Variants in STAU1 observed in about 807,000 individuals in gnomAD.
The protein encoded by STAU1 is staufen double-stranded RNA binding protein 1.
In STAU1, 13 loss-of-function variants were observed where a neutral mutation model predicts 62.9. That is an observed-to-expected ratio of 0.21 (90% CI 0.13 to 0.33). The LOEUF (loss-of-function observed/expected upper bound fraction) is 0.33. Ranked by LOEUF, STAU1 falls within the 10% of genes least tolerant of loss-of-function variation. The pLI is 1.00. For synonymous variants in STAU1, 269 were observed against 265.1 expected, an observed-to-expected ratio of 1.01 and a Z score of -0.14; for missense variants, 571 against 712.1, an observed-to-expected ratio of 0.80 and a Z score of 2.25.
intron 1 of STAU1, among the ~76,000 whole-genome samples, chr20:49,181,764 AAC>A (rs1491112369): frequency 0.025 from 246 of 9,890 alleles, 68 homozygotes; most frequent in African/African-American, 0.12. Flanking sequence ...AGACTATCTC[AAC>A]AAAAAAAAAA....
At chr20:49,194,640 C>T in the STAU1 span, among the ~76,000 whole-genome samples, 2 of 151,880 alleles carry the variant, frequency 1.3e-5, no homozygotes, top group Admixed American at 6.6e-5. Context: ...TGCAGTGGCA[C>T]GATCTCAACT....
At chr20:49,148,217 A>G (rs187678215) in intron 5 of STAU1, among the ~76,000 whole-genome samples, 1 of 152,338 alleles carries the variant, frequency 6.6e-6, no homozygotes, top group Admixed American at 6.5e-5. Flanking sequence ...TGCTCCAAAA[A>G]TCAAACTTTT....
At chr20:49,162,053 G>C (rs1185651175) in intron 3 of STAU1, among the ~76,000 whole-genome samples, 1 of 152,104 alleles carries the variant, frequency 6.6e-6, no homozygotes, top group African/African-American at 2.4e-5. Flanking sequence ...GCTGTACCCC[G>C]CCCATTATTT....
chr20:49,213,971 G>A, the STAU1 span, among the ~76,000 whole-genome samples: 1 of 152,182 alleles, frequency 6.6e-6, no homozygotes, highest in Non-Finnish European at 1.5e-5. Flanking sequence ...CAGCACTTTG[G>A]GAGGCCGAGG....
Position 49,114,793 on chromosome 20 carries a change from A to G in STAU1, c.*85T>C. On this transcript the variant is annotated 3_prime_UTR_variant, in exon 14 of 14. Transcript: ENST00000371856. ...CCGTGTCTCTCGGCCCACTGGAGGT[A>G]TCAGAAATTCCAAATTTTCAAAGCA... 1 of 1,334,970 alleles carries G rather than the reference A, an allele frequency of 7.5e-7. No homozygotes were observed. The highest frequency in any genetic ancestry group is 1.1e-6 in the Non-Finnish European group (1 of 934,258). 82.7% of individuals were successfully genotyped at this position (1,334,970 alleles called of 1,614,324 possible). A position where few individuals can be genotyped will look rare whatever the true frequency, so the allele number is the denominator to read the frequency against.
chr20:49,166,224 C>CA lies in STAU1; in HGVS notation c.-24dup, dbSNP rs1278683059. ...CATGGTCACTTTCAACAAAAGTGAA[C>CA]AAATGCAGGTAAACAGCTTTCAGTG... On this transcript the variant is annotated 5_prime_UTR_variant, in exon 3 of 14. Transcript: ENST00000371856. 3 of 1,610,860 alleles carry CA rather than the reference C, an allele frequency of 1.9e-6. No homozygotes were observed. Among genetic ancestry groups the CA allele is most frequent in the Non-Finnish European group, 1.7e-6 (2 of 1,177,326 alleles).
chr20:49,158,622 CTA>C, intron 3 of STAU1: 1 of 719,078 alleles, frequency 1.4e-6, no homozygotes. Flanking sequence ...CCAGCCTGGC[CTA>C]CATAGTGAAA....
intron 2 of STAU1, among the ~76,000 whole-genome samples, chr20:49,171,402 C>A (rs1239962644): frequency 6.6e-6 from 1 of 152,248 alleles, no homozygotes; most frequent in Non-Finnish European, 1.5e-5. Flanking sequence ...TCACACCATT[C>A]TCCTGCCTCA....
Position 49,123,737 on chromosome 20 carries a change from A to C in STAU1, c.823-502T>G, listed in dbSNP as rs540565737. On this transcript the variant is annotated intron_variant, in intron 7 of 13. Coordinates refer to ENST00000371856, the MANE Select transcript of STAU1 (RefSeq NM_017453.4). Reference sequence around the variant, plus strand: ...AGGAACCCTCACTCTGCTGATCAGAAGTGACTTCCAGGCTATATTAAGCAA... The same window carrying C: ...AGGAACCCTCACTCTGCTGATCAGACGTGACTTCCAGGCTATATTAAGCAA... Among the ~76,000 whole-genome samples, 7 of 152,318 alleles carry C rather than the reference A, an allele frequency of 4.6e-5. No homozygotes were observed. The South Asian group carries it at 1.5e-3, about 32-fold the overall frequency.
chr20:49,201,741 CAAA>C, the STAU1 span, among the ~76,000 whole-genome samples: 8 of 75,246 alleles, frequency 1.1e-4, no homozygotes, highest in East Asian at 3.9e-4. Context: ...GACTCTGTCT[CAAA>C]AAAAAAAAAA....
chr20:49,118,458 C>T (rs963100422), intron 9 of STAU1, 50 bp from the exon 10 acceptor site: 23 of 1,416,588 alleles, frequency 1.6e-5, no homozygotes, highest in Non-Finnish European at 2.2e-5. Context: ...AATCAGATCA[C>T]TGAAAAATTA....
chr20:49,168,938 T>TA (rs1284429348), intron 2 of STAU1, among the ~76,000 whole-genome samples: 3 of 151,594 alleles, frequency 2.0e-5, no homozygotes, highest in African/African-American at 4.8e-5. Flanking sequence ...CGAAAGGCCC[T>TA]AAAAAATAGA....
intron 6 of STAU1, among the ~76,000 whole-genome samples, chr20:49,126,599 C>CAAAAAAAAAACAAAAAAAAAAAACA (rs1600641014): frequency 1.7e-5 from 1 of 57,286 alleles, no homozygotes; most frequent in Non-Finnish European, 4.1e-5. Flanking sequence ...AAAAAAAAAA[C>CAAAAAAAAAACAAAAAAAAAAAACA]AAAAAAACTT....
At chr20:49,189,730 T>C (rs906063974), upstream of STAU1, among the ~76,000 whole-genome samples, 2 of 151,556 alleles carry the variant, frequency 1.3e-5, no homozygotes, top group African/African-American at 4.9e-5. Flanking sequence ...GAACTGCAGG[T>C]GCACAGAGCT....
intron 7 of STAU1, 98 bp downstream of exon 7, chr20:49,124,274 GGTC>G (rs2092539262): frequency 1.6e-6 from 2 of 1,217,300 alleles, no homozygotes; most frequent in South Asian, 2.8e-5. Context: ...GTGGCACGTT[GGTC>G]TCATCCCCTT....
At chr20:49,194,443 A>G in the STAU1 span, among the ~76,000 whole-genome samples, 726 of 149,148 alleles carry the variant, frequency 4.9e-3, 1 homozygote, top group Non-Finnish European at 7.7e-3. Context: ...AAAAAAAAAA[A>G]AAAAGAAAAG....
chr20:49,151,768 G>C (rs757400639), intron 4 of STAU1, 21 bp from the exon 5 acceptor site: 1 of 1,598,592 alleles, frequency 6.3e-7, no homozygotes, highest in South Asian at 1.1e-5. Context: ...AAGGAGGTTA[G>C]GCAAATTACA....
chr20:49,142,319 C>A (rs1020652053), intron 5 of STAU1, among the ~76,000 whole-genome samples: 3 of 152,024 alleles, frequency 2.0e-5, no homozygotes, highest in African/African-American at 7.2e-5. Flanking sequence ...AACTCCTGAC[C>A]TCAGGTGATC....
At chr20:49,218,186 T>TA in the STAU1 span, among the ~76,000 whole-genome samples, 31 of 148,672 alleles carry the variant, frequency 2.1e-4, no homozygotes, top group African/African-American at 6.5e-4. Context: ...GCAATATATA[T>TA]TTTTTTAATT....
Sources: gnomAD v4.1 joint callset for allele counts (sites outside exome capture counted in the v4.1 genomes callset) on GRCh38, gnomAD v4.1.1 for gene constraint, MANE v1.5 for transcripts, NCBI Gene and HGNC (gene_info 2026-07-23, HGNC 2026-07-21) for gene names.